CARS2: variants seen among roughly 807,000 people sequenced by gnomAD.
The protein encoded by CARS2 is probable cysteine--tRNA ligase, mitochondrial.
In CARS2, 52 loss-of-function variants were observed where a neutral mutation model predicts 68.8. The ratio of observed to expected loss-of-function variants is 0.76; its 90% CI spans 0.61 to 0.95. The LOEUF is 0.95. Among genes scored for constraint, CARS2 ranks in the 40% least tolerant of loss-of-function variants. CARS2 has a pLI of 0.00. For synonymous variants in CARS2, 314 were observed against 303.6 expected, an observed-to-expected ratio of 1.03 and a Z score of -0.36; for missense variants, 780 against 754.2, an observed-to-expected ratio of 1.03 and a Z score of -0.40.
At chr13:110,712,532 G>GA (rs1555306517) in intron 1 of CARS2, 1 of 315,178 alleles carries the variant, frequency 3.2e-6, no homozygotes, top group African/African-American at 2.2e-5. Context: ...TGGCCGGAAG[G>GA]GGGGGGGCCG....
In CARS2 at chr13:110,676,924, G is replaced by C. The variant is rs2062966629; in HGVS notation, c.785+50C>G. 6.7e-7 allele frequency: 1 copy of C among 1,482,336 alleles called. No individual in the cohort carries two copies. The allele number at this position is 1,482,336 out of a possible 1,614,324, so 91.8% of individuals were successfully genotyped here. On this transcript the variant is annotated intron_variant, in intron 7 of 14. Transcript: ENST00000257347. This position sits in a 1 kb window ranked among gnomAD's most constrained non-coding sequence, Gnocchi z 4.0. ...GCACATCCTCTGCTGCCCTGAGCAGGCACCAGGGGAACTTGAGCCCCAACC... is the reference window on the plus strand; with the variant it reads ...GCACATCCTCTGCTGCCCTGAGCAGCCACCAGGGGAACTTGAGCCCCAACC...
intron 3 of CARS2, among the ~76,000 whole-genome samples, chr13:110,699,752 A>G (rs1398435926): frequency 6.6e-6 from 1 of 152,266 alleles, no homozygotes; most frequent in East Asian, 1.9e-4. Context: ...CTTCTTTAGG[A>G]AAAGTCTTCC....
intron 2 of CARS2, among the ~76,000 whole-genome samples, chr13:110,704,596 T>C (rs1029042095): frequency 1.3e-5 from 2 of 152,158 alleles, no homozygotes; most frequent in African/African-American, 4.8e-5. Context: ...TGGTGGTACA[T>C]GCCTGTAATC....
At chr13:110,690,360 A>T (rs1288254838) in intron 3 of CARS2, among the ~76,000 whole-genome samples, 5 of 152,194 alleles carry the variant, frequency 3.3e-5, no homozygotes, top group Admixed American at 1.3e-4. Context: ...CCCAGAAGGA[A>T]AATACAGCGA....
chr13:110,659,498 T>C (rs1215954727), intron 9 of CARS2, among the ~76,000 whole-genome samples: 3 of 47,666 alleles, frequency 6.3e-5, no homozygotes, highest in African/African-American at 1.6e-4. Flanking sequence ...CCAGATCTCC[T>C]TTTTTTTTTT....
chr13:110,709,707 T>A (rs2064011159), upstream of CARS2, among the ~76,000 whole-genome samples: 1 of 152,052 alleles, frequency 6.6e-6, no homozygotes, highest in Admixed American at 6.6e-5. Context: ...TGTAAGTTAG[T>A]ACTTAATAAA....
At chr13:110,664,779 G>T in intron 8 of CARS2, 2 of 400,356 alleles carry the variant, frequency 5.0e-6, no homozygotes, top group Non-Finnish European at 3.4e-6. Context: ...GAGGTCACAG[G>T]GGCAGAGCCA....
chr13:110,712,595 C>T (rs1375811370), intron 1 of CARS2: 18 of 410,492 alleles, frequency 4.4e-5, no homozygotes, highest in Non-Finnish European at 7.9e-5. Flanking sequence ...CCAGGCTTCT[C>T]AGAAAGCCCA....
At chr13:110,712,932 G>A in intron 1 of CARS2, 5 of 1,557,070 alleles carry the variant, frequency 3.2e-6, no homozygotes, top group African/African-American at 2.7e-5. Flanking sequence ...GCGCAGGCGC[G>A]GGAGCCGCCT....
At chr13:110,692,674 G>C (rs953295888) in intron 3 of CARS2, among the ~76,000 whole-genome samples, 1 of 151,564 alleles carries the variant, frequency 6.6e-6, no homozygotes, top group Admixed American at 6.6e-5. Flanking sequence ...AATTAGCCAG[G>C]CGTGGTGGCA....
intron 9 of CARS2, among the ~76,000 whole-genome samples, chr13:110,655,054 A>G (rs1298336976): frequency 6.6e-6 from 1 of 152,192 alleles, no homozygotes; most frequent in Non-Finnish European, 1.5e-5. Context: ...TAGGAATGTA[A>G]ATCACACTCG....
At position 110,687,751 on chromosome 13, in the gene CARS2, C is replaced by G; in HGVS notation, c.541G>C (p.Ala181Pro). The G allele has an allele frequency of 6.2e-7, 1 of 1,610,954 alleles. No homozygotes were observed. Among genetic ancestry groups the G allele is most frequent in the Non-Finnish European group, 8.5e-7 (1 of 1,178,584 alleles). The change falls in exon 5 of 15, where the codon GCT becomes CCT. Residue 181 changes from alanine to proline, a missense_variant. Physicochemically the swap from Ala to Pro is conservative, Grantham distance 27. Coordinates refer to ENST00000257347, the MANE Select transcript of CARS2 (RefSeq NM_024537.4). ...GCCGTTGAATAAGCGTTCCCACGAG[C>G]AATGATTCCTTCAATGAAAGAAATT... ...QIISFIEGII[A>P]RGNAYSTAKG... is the part of the protein sequence containing the mutation.
intron 1 of CARS2, chr13:110,713,130 T>C: frequency 7.0e-7 from 1 of 1,429,356 alleles, no homozygotes. Flanking sequence ...CGGGGGGCAT[T>C]ACTCACGGTC....
chr13:110,644,623 C>CAAG, intron 12 of CARS2, 140 bp from the exon 13 acceptor site: 1 of 1,426,338 alleles, frequency 7.0e-7, no homozygotes, highest in Non-Finnish European at 9.3e-7. Flanking sequence ...AGGGAGGACA[C>CAAG]AGCTCTGGCA....
At chr13:110,666,926 C>A (rs1430174496) in intron 8 of CARS2, 2 of 985,318 alleles carry the variant, frequency 2.0e-6, no homozygotes, top group South Asian at 9.4e-5. Flanking sequence ...TGAGAGCAGA[C>A]AGCTGGGGTT....
In CARS2 at chr13:110,667,451, C is replaced by T; in HGVS notation, c.808G>A (p.Asp270Asn). 6.2e-7 allele frequency: 1 copy of T among 1,613,826 alleles called. No homozygotes were observed. Among genetic ancestry groups the T allele is most frequent in the Non-Finnish European group, 8.5e-7 (1 of 1,179,846 alleles). The change falls in exon 8 of 15, where the codon GAT becomes AAT. Residue 270 changes from aspartate (D) to asparagine (N), a missense_variant. Physicochemically the swap from Asp to Asn is conservative, Grantham distance 23. Coordinates refer to ENST00000257347, the MANE Select transcript of CARS2 (RefSeq NM_024537.4). The part of the protein sequence containing the change: ...IASMVFGSQL[D>N]IHSGGIDLAF... Reference sequence around the variant, plus strand: ...AAATCTATCCCACCTGAATGGATATCCAGTTGACTTCCAAATACCATACTG... The same window carrying T: ...AAATCTATCCCACCTGAATGGATATTCAGTTGACTTCCAAATACCATACTG...
rs1441042 is a variant in CARS2, at chr13:110,713,242, T to A, written n.294A>T. Reference sequence around the variant, plus strand: ...CTGTTTCGGGCCCTACTTATACTGCTCTGTGGGGCGGGGACGAAGAGTCAG... The same window carrying A: ...CTGTTTCGGGCCCTACTTATACTGCACTGTGGGGCGGGGACGAAGAGTCAG... On this transcript the variant is annotated non_coding_transcript_exon_variant, in exon 1 of 3. Transcript: ENST00000485188. 5.1e-6 allele frequency: 7 copies of A among 1,377,840 alleles called. No homozygotes were observed. The East Asian group carries it at 1.1e-4, about 21-fold the overall frequency. 85.4% of individuals were successfully genotyped at this position (1,377,840 alleles called of 1,614,324 possible). A position where few individuals can be genotyped will look rare whatever the true frequency, so the allele number is the denominator to read the frequency against.
chr13:110,677,167 C>A, intron 6 of CARS2, 64 bp from the exon 7 acceptor site: 1 of 1,507,546 alleles, frequency 6.6e-7, no homozygotes, highest in Non-Finnish European at 8.9e-7. Flanking sequence ...GATGCTCAGA[C>A]ATTCACCCCC....
Position 110,653,215 on chromosome 13 carries a change from T to TTTG in CARS2, c.988-2116_988-2115insCAA, listed in dbSNP as rs1555345350. Among the ~76,000 whole-genome samples the TTTG allele has an allele frequency of 3.0e-4, 35 of 117,756 alleles. No homozygotes were observed. The highest frequency in any genetic ancestry group is 1.1e-3 in the South Asian group (4 of 3,568). 77.3% of individuals were successfully genotyped at this position (117,756 alleles called of 152,430 possible). On this transcript the variant is annotated intron_variant, in intron 9 of 14. Transcript: ENST00000257347. The surrounding 1 kb of genome is among the most constrained non-coding windows in gnomAD (Gnocchi z 5.6). ...GGCTGGGGTATGTGTGTGTGTGTGT[T>TTTG]TGTGTGTGTGTGTGTGAAGAGCCCC...
Sources: gnomAD v4.1 joint callset for allele counts (sites outside exome capture counted in the v4.1 genomes callset) on GRCh38, gnomAD v4.1.1 for gene constraint, Gnocchi (gnomAD v3.1) non-coding constraint, MANE v1.5 for transcripts, NCBI Gene and HGNC (gene_info 2026-07-23, HGNC 2026-07-21) for gene names.